Variants in ARHGEF19 observed in about 807,000 individuals in gnomAD.
ARHGEF19 encodes Rho guanine nucleotide exchange factor 19.
In ARHGEF19, 92 loss-of-function variants were observed where a neutral mutation model predicts 87.6. The ratio of observed to expected loss-of-function variants is 1.05; its 90% CI spans 0.89 to 1.25. The LOEUF (loss-of-function observed/expected upper bound fraction) is 1.25, where lower values mean the gene tolerates loss of function less well. Among genes scored for constraint, ARHGEF19 ranks in the 50% most tolerant of loss-of-function variants. The probability of loss-of-function intolerance (pLI) is 0.00; values close to 1 mark genes in which losing one functional copy is unlikely to be tolerated. For synonymous variants in ARHGEF19, 438 were observed against 446.2 expected (o/e 0.98, Z 0.23); for missense variants, 1,054 against 1,051.8 (o/e 1.00, Z -0.03).
chr1:16,205,455 GTCC>G lies in ARHGEF19; in HGVS notation c.1582-33_1582-31del, dbSNP rs1557540049. ...AAGGTGGGATCAGCACAATGAGGCA[GTCC>G]TCATACTCCCGAGACCCGGCCCGCC... On this transcript the variant is annotated intron_variant, in intron 9 of 15. Transcript: ENST00000270747. This position sits in a 1 kb window ranked among gnomAD's most constrained non-coding sequence, Gnocchi z 5.8. The G allele has an allele frequency of 1.1e-5, 18 of 1,612,414 alleles. No homozygotes were observed. Among genetic ancestry groups the G allele is most frequent in the Non-Finnish European group, 1.5e-5 (18 of 1,179,390 alleles).
rs750188679 is a variant in ARHGEF19 at position 16,208,179 on chromosome 1, G to A, written c.459C>T (p.Pro153=). 2.5e-6 allele frequency: 4 copies of A among 1,613,132 alleles called. No homozygotes were observed. The highest frequency in any genetic ancestry group is 1.6e-4 in the Middle Eastern group (1 of 6,076). ...VYQREEVPGC[P]EAHAVFLEPG... is the part of the protein sequence containing the mutation. ...GCTCTAGGAAGACAGCGTGGGCCTC[G>A]GGGCAGCCGGGGACCTCTTCACGCT... The change falls in exon 3 of 16, where the codon CCC becomes CCT. Residue 153 remains proline, a synonymous_variant. Coordinates refer to ENST00000270747, the MANE Select transcript of ARHGEF19 (RefSeq NM_153213.5).
Position 16,207,058 on chromosome 1 carries a change from C to A in ARHGEF19, c.1027G>T (p.Ala343Ser), listed in dbSNP as rs1372011348. Residue 343 changes from alanine to serine, a missense_variant, in exon 6 of 16, where the codon GCG (alanine) becomes TCG (serine). Coordinates refer to ENST00000270747, the MANE Select transcript of ARHGEF19 (RefSeq NM_153213.5). This position sits in a 1 kb window ranked among gnomAD's most constrained non-coding sequence, Gnocchi z 4.0. Reference sequence around the variant, plus strand: ...GTGGAGCCTCGCGCCGAGCGCTGCGCCCGGAAGGAGCTGCTGGGGGAGAGG... The same window carrying A: ...GTGGAGCCTCGCGCCGAGCGCTGCGACCGGAAGGAGCTGCTGGGGGAGAGG... The part of the protein sequence containing the change: ...ANLSPSSSFR[A>S]QRSARGSTFS... 6.6e-7 allele frequency: 1 copy of A among 1,507,754 alleles called. No individual in the cohort carries two copies. Among genetic ancestry groups the A allele is most frequent in the South Asian group, 1.3e-5 (1 of 79,768 alleles). The allele number at this position is 1,507,754 out of a possible 1,614,324, so 93.4% of individuals were successfully genotyped here.
intron 13 of ARHGEF19, 45 bp from the exon 14 acceptor site, chr1:16,201,906 T>C (rs1269223369): frequency 1.3e-6 from 2 of 1,599,614 alleles, no homozygotes; most frequent in African/African-American, 1.3e-5. Flanking sequence ...CAAAGTGCAG[T>C]TGCCCAGGGC....
rs2081089799 is a variant in ARHGEF19, at chr1:16,202,291, T to G, written c.2066+125A>C. On this transcript the variant is annotated intron_variant, in intron 13 of 15. Transcript: ENST00000270747. ...CCAAGTCAGGGAAGAGTTGAGCACT[T>G]GGGGAGGAACAAGGCCAGGATGTCC... is the stretch of plus-strand genomic sequence containing the variant. The G allele has an allele frequency of 2.2e-6, 3 of 1,358,362 alleles. No homozygotes were observed. The South Asian group carries it at 4.3e-5, about 20-fold the overall frequency. The allele number at this position is 1,358,362 out of a possible 1,614,324, so 84.1% of individuals were successfully genotyped here. A position where few individuals can be genotyped will look rare whatever the true frequency, so the allele number is the denominator to read the frequency against.
Position 16,199,243 on chromosome 1 carries a change from C to A in ARHGEF19, c.2158G>T (p.Val720Phe), listed in dbSNP as rs2081065340. The change falls in exon 15 of 16, where the codon GTT becomes TTT. Residue 720 changes from valine to phenylalanine, a missense_variant. By Grantham distance (50) the Val-to-Phe change is conservative. Transcript: ENST00000270747. ...GCCTTGTATGTCCTAACACACTGAA[C>A]CTGGGGGCAATCTGACAGCCCAAGG... Reference protein sequence around the residue: ...VISEGEDCPQVQCVRTYKALH... With the variant: ...VISEGEDCPQFQCVRTYKALH... The A allele has an allele frequency of 1.2e-6, 2 of 1,613,914 alleles. No homozygotes were observed. Among genetic ancestry groups the A allele is most frequent in the South Asian group, 1.1e-5 (1 of 91,078 alleles).
At chr1:16,212,111 A>T (rs1178922131) in intron 1 of ARHGEF19, among the ~76,000 whole-genome samples, 2 of 152,330 alleles carry the variant, frequency 1.3e-5, no homozygotes, top group East Asian at 3.9e-4. Flanking sequence ...GCAGGGGCCG[A>T]GGAAAGTACC....
In ARHGEF19 at chr1:16,207,442, C is replaced by G. The variant is rs1041109480; in HGVS notation, c.874+80G>C. 9 of 1,565,398 alleles carry G rather than the reference C, an allele frequency of 5.7e-6. No homozygotes were observed. Among genetic ancestry groups the G allele is most frequent in the East Asian group, 2.3e-5 (1 of 44,236 alleles). The stretch of plus-strand genomic sequence containing the variant: ...CTCACTCGATCCCTACCTCTCAACT[C>G]TCCAAACCCTCTTTTCCCCGTTTCC... On this transcript the variant is annotated intron_variant, in intron 5 of 15. Transcript: ENST00000270747. The surrounding 1 kb of genome is among the most constrained non-coding windows in gnomAD (Gnocchi z 4.0).
At position 16,208,057 on chromosome 1, in the gene ARHGEF19, C is replaced by T. The variant is rs1389270414; in HGVS notation, c.581G>A (p.Arg194Lys). Residue 194 changes from arginine (R) to lysine (K), a missense_variant, in exon 3 of 16, where the codon AGG becomes AAG. Arg to Lys is a conservative substitution (Grantham distance 26). Coordinates refer to ENST00000270747, the MANE Select transcript of ARHGEF19 (RefSeq NM_153213.5). ...CATCAGCTCCGATGCCGAGAAGCGCCTCCGCTCAGGACCTTCGAGGCTCAC... is the reference window on the plus strand; with the variant it reads ...CATCAGCTCCGATGCCGAGAAGCGCTTCCGCTCAGGACCTTCGAGGCTCAC... ...TRVSLEGPER[R>K]RFSASELMTR... 9.9e-6 allele frequency: 16 copies of T among 1,613,946 alleles called. No homozygotes were observed. The highest frequency in any genetic ancestry group is 1.4e-5 in the Non-Finnish European group (16 of 1,180,040).
At chr1:16,210,000 G>A (rs532388779) in intron 1 of ARHGEF19, among the ~76,000 whole-genome samples, 133 of 152,380 alleles carry the variant, frequency 8.7e-4, no homozygotes, top group Middle Eastern at 3.4e-3. Context: ...GGGCCAGGCT[G>A]GATGGGTCCT....
intron 13 of ARHGEF19, 95 bp from the exon 14 acceptor site, chr1:16,201,956 TC>T: frequency 7.4e-7 from 1 of 1,350,730 alleles, no homozygotes; most frequent in Non-Finnish European, 1.0e-6. Flanking sequence ...AGACATGATG[TC>T]CAGGCCTAGG....
At chr1:16,209,480 A>G (rs1453146549) in intron 1 of ARHGEF19, among the ~76,000 whole-genome samples, 6 of 152,216 alleles carry the variant, frequency 3.9e-5, no homozygotes, top group Admixed American at 3.9e-4. Flanking sequence ...GTCACCAGAC[A>G]TGCAAATACA....
In ARHGEF19 at chr1:16,206,586, G is replaced by GCC; in HGVS notation, c.1138-248_1138-247dup. On this transcript the variant is annotated intron_variant, in intron 6 of 15. Coordinates refer to ENST00000270747, the MANE Select transcript of ARHGEF19 (RefSeq NM_153213.5). The surrounding 1 kb of genome is among the most constrained non-coding windows in gnomAD (Gnocchi z 4.6). ...CCCGACGCGTTCTTCCCAGAGCCCC[G>GCC]CCCACCCCCCAGGTCCCGCCCCTGA... is the stretch of plus-strand genomic sequence containing the variant. The GCC allele has an allele frequency of 3.7e-6, 1 of 271,950 alleles. No individual in the cohort carries two copies. The highest frequency in any genetic ancestry group is 7.2e-5 in the Admixed American group (1 of 13,932). 16.8% of individuals were successfully genotyped at this position (271,950 alleles called of 1,614,324 possible). A position where few individuals can be genotyped will look rare whatever the true frequency, so the allele number is the denominator to read the frequency against.
chr1:16,205,300 G>T lies in ARHGEF19; in HGVS notation c.1656+51C>A. 1 of 1,611,936 alleles carries T rather than the reference G, an allele frequency of 6.2e-7. No homozygotes were observed. The highest frequency in any genetic ancestry group is 2.2e-5 in the East Asian group (1 of 44,856). On this transcript the variant is annotated intron_variant, in intron 10 of 15. Transcript: ENST00000270747. The surrounding 1 kb of genome is among the most constrained non-coding windows in gnomAD (Gnocchi z 5.8). ...GGGGCTGTTTTAGAGACGTGCTGGG[G>T]GTCCAGGGGGGGCCTCAGGAGCCAA... is the stretch of plus-strand genomic sequence containing the variant.
At position 16,208,691 on chromosome 1, in the gene ARHGEF19, T is replaced by G. The variant is rs2081168835; in HGVS notation, c.364A>C (p.Thr122Pro). 1 of 1,607,892 alleles carries G rather than the reference T, an allele frequency of 6.2e-7. No individual in the cohort carries two copies. Among genetic ancestry groups the G allele is most frequent in the East Asian group, 2.2e-5 (1 of 44,814 alleles). ...TGGCTGGCCCGGCGCTGTGGCTGTG[T>G]GTGTCGGGGACTCCAGGGTCCCTCC... ...ALEGPWSPRHTQPQRRASHGS... is the reference protein window; with the variant it reads ...ALEGPWSPRHPQPQRRASHGS... The change falls in exon 2 of 16, where the codon ACA becomes CCA. Residue 122 changes from threonine to proline, a missense_variant. Thr to Pro is a conservative substitution (Grantham distance 38). Transcript: ENST00000270747.
Position 16,208,003 on chromosome 1 carries a change from C to T in ARHGEF19, c.635G>A (p.Gly212Glu). 1 of 1,613,206 alleles carries T rather than the reference C, an allele frequency of 6.2e-7. No homozygotes were observed. Residue 212 changes from glycine (G) to glutamate (E), a missense_variant, in exon 3 of 16, where the codon GGG becomes GAG. Physicochemically the swap from Gly to Glu is moderately conservative, Grantham distance 98. Coordinates refer to ENST00000270747, the MANE Select transcript of ARHGEF19 (RefSeq NM_153213.5). ...GAGTGCCCGGGCTGCTGAATTCCGCCCCAGGCGCAGAGAAGAGTGCAGCCG... is the reference window on the plus strand; with the variant it reads ...GAGTGCCCGGGCTGCTGAATTCCGCTCCAGGCGCAGAGAAGAGTGCAGCCG... ...MTRLHSSLRL[G>E]RNSAARALIS...
intron 12 of ARHGEF19, among the ~76,000 whole-genome samples, chr1:16,203,359 C>T (rs567784897): frequency 6.6e-6 from 1 of 152,128 alleles, no homozygotes; most frequent in African/African-American, 2.4e-5. Flanking sequence ...TTTCCATCCC[C>T]CCTACACCCA....
intron 14 of ARHGEF19, among the ~76,000 whole-genome samples, chr1:16,200,308 T>C (rs1278204394): frequency 6.6e-6 from 1 of 152,226 alleles, no homozygotes; most frequent in Non-Finnish European, 1.5e-5. Context: ...CCTAGTAGGG[T>C]TGCCATGAGG....
Position 16,206,211 on chromosome 1 carries a change from T to G in ARHGEF19, c.1267A>C (p.Lys423Gln). The change falls in exon 7 of 16, where the codon AAA becomes CAA. Residue 423 changes from lysine to glutamine, a missense_variant. Physicochemically the swap from Lys to Gln is moderately conservative, Grantham distance 53 (BLOSUM62 1). Transcript: ENST00000270747. This position sits in a 1 kb window ranked among gnomAD's most constrained non-coding sequence, Gnocchi z 4.6. ...GAQDKQWLFS[K>Q]LPEVKSTSER... ...CTGGTGCTCTTGACCTCGGGCAGTT[T>G]GGAAAACAGCCACTGCTTGTCCTGC... 6.3e-7 allele frequency: 1 copy of G among 1,598,782 alleles called. No homozygotes were observed. Among genetic ancestry groups the G allele is most frequent in the Non-Finnish European group, 8.5e-7 (1 of 1,171,830 alleles).
chr1:16,198,776 C>G lies in ARHGEF19; in HGVS notation c.2252-32G>C, dbSNP rs780733869. On this transcript the variant is annotated intron_variant, in intron 15 of 15. Coordinates refer to ENST00000270747, the MANE Select transcript of ARHGEF19 (RefSeq NM_153213.5). The surrounding 1 kb of genome is among the most constrained non-coding windows in gnomAD (Gnocchi z 4.1). The stretch of plus-strand genomic sequence containing the variant: ...ACACATAGGCCAAGAACAACAGCAT[C>G]AAAGGGGTACCAGGGCCAGGCCTGG... 1.3e-6 allele frequency: 2 copies of G among 1,565,722 alleles called. No individual in the cohort carries two copies. The highest frequency in any genetic ancestry group is 3.7e-5 in the Admixed American group (2 of 53,444).
Sources: gnomAD v4.1 joint callset for allele counts (sites outside exome capture counted in the v4.1 genomes callset) on GRCh38, gnomAD v4.1.1 for gene constraint, Gnocchi (gnomAD v3.1) non-coding constraint, MANE v1.5 for transcripts, NCBI Gene and HGNC (gene_info 2026-07-23, HGNC 2026-07-21) for gene names.